CFAP299: variants seen among roughly 807,000 people sequenced by gnomAD.
CFAP299 encodes the protein cilia and flagella associated protein 299.
CFAP299 carries 21 observed loss-of-function variants against 27.0 expected under a neutral mutation model. The observed-to-expected ratio is 0.78, with a 90% CI of 0.55 to 1.12. The LOEUF is 1.12. Ranked by LOEUF, CFAP299 falls within the 50% of genes most tolerant of loss-of-function variation. CFAP299 has a pLI of 0.00. For synonymous variants in CFAP299, 104 were observed against 98.1 expected, an observed-to-expected ratio of 1.06 and a Z score of -0.36; for missense variants, 310 against 276.6, an observed-to-expected ratio of 1.12 and a Z score of -0.86.
intron 3 of CFAP299, among the ~76,000 whole-genome samples, chr4:80,750,792 A>G (rs138050487): frequency 6.6e-6 from 1 of 152,346 alleles, no homozygotes; most frequent in East Asian, 1.9e-4. Context: ...ATCATAAAGC[A>G]TGTTGCAAGT....
At chr4:80,750,480 C>T (rs1214101273) in intron 3 of CFAP299, among the ~76,000 whole-genome samples, 1 of 152,160 alleles carries the variant, frequency 6.6e-6, no homozygotes, top group East Asian at 1.9e-4. Context: ...CCACCTGTGG[C>T]TTTACAGTCT....
At chr4:80,614,069 C>T (rs143267955) in intron 3 of CFAP299, among the ~76,000 whole-genome samples, 38 of 152,116 alleles carry the variant, frequency 2.5e-4, no homozygotes, top group African/African-American at 8.5e-4. Context: ...TGAGCACCTG[C>T]TTTGTCTGTT....
chr4:80,752,565 T>C (rs1455498974), intron 3 of CFAP299, among the ~76,000 whole-genome samples: 1 of 150,964 alleles, frequency 6.6e-6, no homozygotes, highest in African/African-American at 2.4e-5. Context: ...GTAGACAGCA[T>C]ATAGTTGGGT....
the CFAP299 span, among the ~76,000 whole-genome samples, chr4:80,322,082 G>A: frequency 1.3e-5 from 2 of 152,166 alleles, no homozygotes; most frequent in African/African-American, 4.8e-5. Flanking sequence ...TTGTGGGCTG[G>A]GGCAATTGTG....
At chr4:80,704,833 T>A (rs1032061368) in intron 3 of CFAP299, among the ~76,000 whole-genome samples, 8 of 151,850 alleles carry the variant, frequency 5.3e-5, no homozygotes, top group African/African-American at 1.9e-4. Context: ...TTCATAAATG[T>A]TGATATATAT....
intron 2 of CFAP299, among the ~76,000 whole-genome samples, chr4:80,394,076 G>A (rs929510246): frequency 6.6e-6 from 1 of 152,130 alleles, no homozygotes; most frequent in Admixed American, 6.6e-5. Context: ...GCCTTGTGAA[G>A]AAGGTACTTG....
chr4:80,422,663 G>A (rs1458549338), intron 2 of CFAP299, among the ~76,000 whole-genome samples: 2 of 152,096 alleles, frequency 1.3e-5, no homozygotes, highest in Non-Finnish European at 2.9e-5. Flanking sequence ...CTTAAATTGA[G>A]TATACTTAAA....
At chr4:80,673,759 C>G (rs1560690964) in intron 3 of CFAP299, among the ~76,000 whole-genome samples, 1 of 151,898 alleles carries the variant, frequency 6.6e-6, no homozygotes, top group East Asian at 1.9e-4. Flanking sequence ...GATCCCTTTA[C>G]CATCATGTAA....
intron 2 of CFAP299, among the ~76,000 whole-genome samples, chr4:80,366,578 T>G (rs1297351274): frequency 6.6e-6 from 1 of 152,172 alleles, no homozygotes; most frequent in Non-Finnish European, 1.5e-5. Flanking sequence ...GTTCTCACCC[T>G]CAAGAAGCTT....
At chr4:80,892,708 T>A (rs1395305599) in intron 4 of CFAP299, among the ~76,000 whole-genome samples, 2 of 152,042 alleles carry the variant, frequency 1.3e-5, no homozygotes, top group Admixed American at 1.3e-4. Flanking sequence ...TCTGAACAGA[T>A]TAGGTATAGA....
intron 2 of CFAP299, among the ~76,000 whole-genome samples, chr4:80,569,088 G>C (rs1193275067): frequency 6.6e-6 from 1 of 152,086 alleles, no homozygotes; most frequent in Non-Finnish European, 1.5e-5. Context: ...GCTTGAGGGT[G>C]AGAAGAGCTT....
intron 3 of CFAP299, among the ~76,000 whole-genome samples, chr4:80,810,417 T>G (rs1729087600): frequency 6.6e-6 from 1 of 151,874 alleles, no homozygotes; most frequent in Non-Finnish European, 1.5e-5. Flanking sequence ...AATGTGACCT[T>G]ATTTGAAAAT....
the CFAP299 span, among the ~76,000 whole-genome samples, chr4:80,321,833 A>G: frequency 1.3e-5 from 2 of 152,144 alleles, no homozygotes; most frequent in African/African-American, 2.4e-5. Flanking sequence ...CAAGAATAAT[A>G]AGGAGGTCAT....
At chr4:80,334,285 T>C (rs552892651), upstream of CFAP299, among the ~76,000 whole-genome samples, 9 of 152,314 alleles carry the variant, frequency 5.9e-5, no homozygotes, top group Admixed American at 3.9e-4. Flanking sequence ...TACTAACATA[T>C]AGGTCCTTTT....
Position 80,795,255 on chromosome 4 carries a change from T to C in CFAP299, c.334-74738T>C, listed in dbSNP as rs993299122. The stretch of plus-strand genomic sequence containing the variant: ...ATTTTCCAATCATGCTTCTTCCAAG[T>C]CCCTGACCATACAGCCAAACCATTG... On this transcript the variant is annotated intron_variant, in intron 3 of 5. Transcript: ENST00000358105. 3.7e-4 allele frequency among the ~76,000 whole-genome samples: 56 copies of C among 152,218 alleles called. 1 individual carries two copies. Among genetic ancestry groups the C allele is most frequent in the Admixed American group, 3.7e-3 (56 of 15,280 alleles).
In CFAP299 at chr4:80,960,380, T is replaced by A. The variant is rs116768803; in HGVS notation, c.607-3137T>A. Among the ~76,000 whole-genome samples the A allele has an allele frequency of 3.1e-3, 473 of 152,026 alleles. 6 individuals are homozygous for A. The highest frequency in any genetic ancestry group is 0.011 in the African/African-American group (455 of 41,548). ...TTATTTCTGTTAAAACGTCAATATG[T>A]TTGTCATTGCTATGATCAAATGAAG... On this transcript the variant is annotated intron_variant, in intron 5 of 5. Transcript: ENST00000358105.
At chr4:80,876,057 C>G (rs1160450191) in intron 4 of CFAP299, among the ~76,000 whole-genome samples, 2 of 151,658 alleles carry the variant, frequency 1.3e-5, no homozygotes, top group Non-Finnish European at 2.9e-5. Flanking sequence ...ATGATGTTAA[C>G]TGAGCACTTA....
rs563224919 is a variant in CFAP299 at position 80,605,295 on chromosome 4, C to T, written c.333+22112C>T. Among the ~76,000 whole-genome samples the T allele has an allele frequency of 9.2e-5, 14 of 152,230 alleles. No individual in the cohort carries two copies. In the East Asian group the frequency reaches 2.3e-3, roughly 25 times the overall value. On this transcript the variant is annotated intron_variant, in intron 3 of 5. Transcript: ENST00000358105. Reference sequence around the variant, plus strand: ...AGTTTTCAGCCAAATGCTTAATGAACTTATCTATGACTTTATTTTCCAAAG... The same window carrying T: ...AGTTTTCAGCCAAATGCTTAATGAATTTATCTATGACTTTATTTTCCAAAG...
At chr4:80,661,689 A>G (rs549214788) in intron 3 of CFAP299, among the ~76,000 whole-genome samples, 70 of 152,310 alleles carry the variant, frequency 4.6e-4, no homozygotes, top group African/African-American at 1.7e-3. Flanking sequence ...GGCACCTTGA[A>G]AAAAGAACAG....
Sources: gnomAD v4.1 joint callset for allele counts (sites outside exome capture counted in the v4.1 genomes callset) on GRCh38, gnomAD v4.1.1 for gene constraint, MANE v1.5 for transcripts, NCBI Gene and HGNC (gene_info 2026-07-23, HGNC 2026-07-21) for gene names.